KRT75: variants seen among roughly 807,000 people sequenced by gnomAD.
KRT75 encodes the protein keratin, type II cytoskeletal 75.
Under a neutral mutation model 48.8 loss-of-function variants are expected in KRT75, and 35 were observed. The observed-to-expected ratio is 0.72, with a 90% CI of 0.55 to 0.95. KRT75 has a LOEUF of 0.95. KRT75 is among the 40% of genes least tolerant of loss of function. The probability of loss-of-function intolerance (pLI) is 0.00; values close to 1 mark genes in which losing one functional copy is unlikely to be tolerated. For synonymous variants in KRT75, 301 were observed against 282.3 expected (o/e 1.07, Z -0.66); for missense variants, 776 against 709.9 (o/e 1.09, Z -1.06).
chr12:52,429,483 T>G (rs1940116137), intron 5 of KRT75, among the ~76,000 whole-genome samples: 1 of 152,172 alleles, frequency 6.6e-6, no homozygotes, highest in Non-Finnish European at 1.5e-5. Context: ...AAGTGAAACC[T>G]ACACCTTTCC....
intron 8 of KRT75, among the ~76,000 whole-genome samples, chr12:52,425,772 A>G (rs1261953792): frequency 1.3e-5 from 2 of 152,224 alleles, no homozygotes; most frequent in Non-Finnish European, 2.9e-5. Flanking sequence ...CCAGGCTCCA[A>G]GTTTCAGAGG....
At position 52,434,311 on chromosome 12, in the gene KRT75, T is replaced by C; in HGVS notation, c.-7A>G. 5.7e-6 allele frequency: 9 copies of C among 1,583,512 alleles called. No homozygotes were observed. The highest frequency in any genetic ancestry group is 7.7e-6 in the Non-Finnish European group (9 of 1,171,980). ...TGGAGGACTGCCGAGACATGGTGGG[T>C]GAGGAAGGCCGGCGAGAAGGCACCT... On this transcript the variant is annotated 5_prime_UTR_variant, in exon 1 of 9. Transcript: ENST00000252245.
At chr12:52,426,739 C>T in intron 8 of KRT75, 78 bp downstream of exon 8, 1 of 1,401,552 alleles carries the variant, frequency 7.1e-7, no homozygotes, top group Non-Finnish European at 1.0e-6. Context: ...CATATCTTCA[C>T]CCTCTGGCAA....
At chr12:52,430,748 G>A (rs1356153428) in intron 4 of KRT75, 43 bp from the exon 5 acceptor site, 2 of 1,610,030 alleles carry the variant, frequency 1.2e-6, no homozygotes, top group African/African-American at 1.3e-5. Flanking sequence ...ATAAGATGAA[G>A]AATCTTAAAT....
chr12:52,424,180 T>G lies in KRT75; in HGVS notation c.*337A>C. ...GAGACAGGTGGGTGACAACCTGGCA[T>G]TGAGAGACTCCCCAGCCTCTGCATC... On this transcript the variant is annotated 3_prime_UTR_variant, in exon 9 of 9. Coordinates refer to ENST00000252245, the MANE Select transcript of KRT75 (RefSeq NM_004693.3). 4.9e-6 allele frequency: 2 copies of G among 409,498 alleles called. No homozygotes were observed. Among genetic ancestry groups the G allele is most frequent in the Non-Finnish European group, 4.6e-6 (1 of 216,534 alleles). 25.4% of individuals were successfully genotyped at this position (409,498 alleles called of 1,614,324 possible).
chr12:52,429,960 C>T (rs1023806280), intron 5 of KRT75, among the ~76,000 whole-genome samples: 1 of 152,172 alleles, frequency 6.6e-6, no homozygotes, highest in African/African-American at 2.4e-5. Flanking sequence ...ACATAAACTC[C>T]CTTGCTTGTT....
intron 8 of KRT75, 115 bp from the exon 9 acceptor site, chr12:52,424,870 G>A: frequency 1.2e-6 from 1 of 823,360 alleles, no homozygotes; most frequent in Non-Finnish European, 2.1e-6. Flanking sequence ...TCGTCAGCCA[G>A]CAGTTTGCCT....
intron 8 of KRT75, 70 bp from the exon 9 acceptor site, chr12:52,424,825 G>T: frequency 8.1e-7 from 1 of 1,234,470 alleles, no homozygotes; most frequent in South Asian, 1.2e-5. Context: ...GTGAGGGCCT[G>T]TGCCCTGGAG....
chr12:52,429,442 A>G (rs1940115824), intron 5 of KRT75, among the ~76,000 whole-genome samples: 1 of 152,164 alleles, frequency 6.6e-6, no homozygotes, highest in Non-Finnish European at 1.5e-5. Context: ...TTTAAGAGCA[A>G]TAATTACACC....
rs778120097 is a variant in KRT75, at chr12:52,430,522, T to C, written c.1035+19A>G. ...AGAACACTAACCCTGGAACCTCTCATGGAGGTGTCCATGCTCACCTTGGTC... is the reference window on the plus strand; with the variant it reads ...AGAACACTAACCCTGGAACCTCTCACGGAGGTGTCCATGCTCACCTTGGTC... On this transcript the variant is annotated intron_variant, in intron 5 of 8. Transcript: ENST00000252245. The C allele has an allele frequency of 1.7e-5, 27 of 1,613,208 alleles. No homozygotes were observed. The South Asian group carries it at 2.3e-4, about 14-fold the overall frequency.
rs767161830 is a variant in KRT75, at chr12:52,433,849, C to T, written c.456G>A (p.Gln152=). The change falls in exon 1 of 9, where the codon CAG becomes CAA. Residue 152 remains glutamine (Q), a synonymous_variant. Transcript: ENST00000252245. ...IQRVRAEERE[Q]IKTLNNKFAS... ...CGAACTTATTGTTGAGGGTCTTGATCTGCTCGCGCTCCTCGGCCCGCACCC... is the reference window on the plus strand; with the variant it reads ...CGAACTTATTGTTGAGGGTCTTGATTTGCTCGCGCTCCTCGGCCCGCACCC... 13 of 1,614,200 alleles carry T rather than the reference C, an allele frequency of 8.1e-6. No individual in the cohort carries two copies. The South Asian group carries it at 1.4e-4, about 18-fold the overall frequency.
In KRT75 at chr12:52,424,434, A is replaced by C; in HGVS notation, c.*83T>G. 2 of 1,236,120 alleles carry C rather than the reference A, an allele frequency of 1.6e-6. No individual in the cohort carries two copies. The highest frequency in any genetic ancestry group is 2.4e-6 in the Non-Finnish European group (2 of 835,424). The allele number at this position is 1,236,120 out of a possible 1,614,324, so 76.6% of individuals were successfully genotyped here. A position where few individuals can be genotyped will look rare whatever the true frequency, so the allele number is the denominator to read the frequency against. ...AGCAGCACAGGTGCACCTTACAAGG[A>C]GAGAGGAAGGAGGAGGACCCTGGTG... On this transcript the variant is annotated 3_prime_UTR_variant, in exon 9 of 9. Coordinates refer to ENST00000252245, the MANE Select transcript of KRT75 (RefSeq NM_004693.3).
At chr12:52,432,264 C>G (rs1940155005) in intron 2 of KRT75, among the ~76,000 whole-genome samples, 198 bp from the exon 3 acceptor site, 1 of 152,142 alleles carries the variant, frequency 6.6e-6, no homozygotes, top group Admixed American at 6.5e-5. Flanking sequence ...TTTTAATAAA[C>G]TTTTCTAAGA....
chr12:52,425,707 T>C (rs1940068176), intron 8 of KRT75, among the ~76,000 whole-genome samples: 1 of 152,188 alleles, frequency 6.6e-6, no homozygotes, highest in African/African-American at 2.4e-5. Context: ...GAACACTATC[T>C]GGTTTGGAGA....
At chr12:52,426,783 A>G (rs199538308) in intron 8 of KRT75, 34 bp downstream of exon 8, 4 of 1,610,620 alleles carry the variant, frequency 2.5e-6, no homozygotes, top group Non-Finnish European at 3.4e-6. Flanking sequence ...TACCACACAC[A>G]CTCCAAATGG....
At chr12:52,428,767 G>A (rs370389124) in intron 5 of KRT75, 24 bp from the exon 6 acceptor site, 305 of 1,613,368 alleles carry the variant, frequency 1.9e-4, no homozygotes, top group Non-Finnish European at 2.4e-4. Flanking sequence ...AGCAAACCCA[G>A]TCACTGAGTC....
chr12:52,428,419 T>C lies in KRT75; in HGVS notation c.1219A>G (p.Lys407Glu). 1.2e-6 allele frequency: 2 copies of C among 1,614,122 alleles called. No homozygotes were observed. The highest frequency in any genetic ancestry group is 8.5e-7 in the Non-Finnish European group (1 of 1,180,022). ...TCCACCAGCTTGGCCCGTGCATCCTTGAGAGCCAGTTCTCCCCGCTGCTCT... is the reference window on the plus strand; with the variant it reads ...TCCACCAGCTTGGCCCGTGCATCCTCGAGAGCCAGTTCTCCCCGCTGCTCT... ...DAEQRGELAL[K>E]DARAKLVDLE... The change falls in exon 7 of 9, where the codon AAG (lysine) becomes GAG (glutamate). Residue 407 changes from lysine (K) to glutamate (E), a missense_variant. Physicochemically the swap from Lys to Glu is moderately conservative, Grantham distance 56. Coordinates refer to ENST00000252245, the MANE Select transcript of KRT75 (RefSeq NM_004693.3).
At chr12:52,433,426 C>T (rs1016841875) in intron 1 of KRT75, among the ~76,000 whole-genome samples, 174 bp from the exon 2 acceptor site, 5 of 147,378 alleles carry the variant, frequency 3.4e-5, no homozygotes, top group African/African-American at 1.4e-4. Flanking sequence ...CCGCAAAGTT[C>T]CCTAGGGCTT....
Position 52,424,741 on chromosome 12 carries a change from T to G in KRT75, c.1432A>C (p.Thr478Pro), listed in dbSNP as rs964010322. ...CCGCTTCCATAGCCACTGGAAAGAG[T>G]AGAGGTGACCACAGCTGCCGGGAAG... is the stretch of plus-strand genomic sequence containing the variant. ...SPVNISVVTS[T>P]LSSGYGSGSS... The change falls in exon 9 of 9, where the codon ACT (threonine) becomes CCT (proline). Residue 478 changes from threonine (T) to proline (P), a missense_variant. Thr to Pro is a conservative substitution (Grantham distance 38, BLOSUM62 -1). Transcript: ENST00000252245. 3.7e-6 allele frequency: 6 copies of G among 1,611,738 alleles called. No homozygotes were observed. Among genetic ancestry groups the G allele is most frequent in the African/African-American group, 1.3e-5 (1 of 74,230 alleles).
Sources: gnomAD v4.1 joint callset for allele counts (sites outside exome capture counted in the v4.1 genomes callset) on GRCh38, gnomAD v4.1.1 for gene constraint, MANE v1.5 for transcripts, NCBI Gene and HGNC (gene_info 2026-07-23, HGNC 2026-07-21) for gene names.